RNF8: variants seen among roughly 807,000 people sequenced by gnomAD.
The protein encoded by RNF8 is E3 ubiquitin-protein ligase RNF8.
RNF8 carries 8 observed loss-of-function variants against 59.3 expected under a neutral mutation model. The ratio of observed to expected loss-of-function variants is 0.13; its 90% CI spans 0.08 to 0.24. The LOEUF is 0.24. Ranked by LOEUF, RNF8 falls within the 10% of genes least tolerant of loss-of-function variation. The pLI is 1.00. For missense variants in RNF8, 406 were observed against 572.6 expected (o/e 0.71, Z 2.97); for synonymous variants, 162 against 200.0 (o/e 0.81, Z 1.60).
intron 7 of RNF8, among the ~76,000 whole-genome samples, chr6:37,388,162 A>G (rs963673405): frequency 6.6e-6 from 1 of 152,236 alleles, no homozygotes; most frequent in Non-Finnish European, 1.5e-5. Flanking sequence ...TTAGAGAAGT[A>G]GCAGCAGGGA....
intron 7 of RNF8, among the ~76,000 whole-genome samples, chr6:37,389,692 G>C (rs906194839): frequency 1.3e-5 from 2 of 151,736 alleles, no homozygotes; most frequent in African/African-American, 4.8e-5. Flanking sequence ...ATAGAAAGAA[G>C]AGTATCGTGG....
intron 1 of RNF8, among the ~76,000 whole-genome samples, chr6:37,356,583 T>C (rs1039455032): frequency 2.6e-5 from 4 of 152,216 alleles, no homozygotes; most frequent in Non-Finnish European, 4.4e-5. Context: ...TAGAGATTTA[T>C]TGCAAATTAG....
intron 3 of RNF8, chr6:37,370,030 A>G (rs772303722): frequency 2.0e-5 from 3 of 152,202 alleles, no homozygotes; most frequent in African/African-American, 4.8e-5. Context: ...CAGGAACCAC[A>G]TATTTTGCTC....
rs1562081000 is a variant in RNF8, at chr6:37,354,128, T to TC, written c.-36dup. The stretch of plus-strand genomic sequence containing the variant: ...GGCAGCCAGAACCTAGGTCAGGGTC[T>TC]CGCTCGGTGCTGACCGCCCCCGGGG... On this transcript the variant is annotated 5_prime_UTR_variant, in exon 1 of 8. It removes the in-frame stop codon of an upstream open reading frame in the 5' UTR. Coordinates refer to ENST00000373479, the MANE Select transcript of RNF8 (RefSeq NM_003958.4). 1 of 1,539,148 alleles carries TC rather than the reference T, an allele frequency of 6.5e-7. No homozygotes were observed. Among genetic ancestry groups the TC allele is most frequent in the East Asian group, 2.4e-5 (1 of 41,040 alleles).
chr6:37,383,921 C>G (rs449637), intron 7 of RNF8, among the ~76,000 whole-genome samples: 10,547 of 152,116 alleles, frequency 0.069, 1,151 homozygotes, highest in African/African-American at 0.23. Context: ...TCTGTCAGCT[C>G]CTCCCCTCCC....
At chr6:37,380,954 A>G (rs962923959) in intron 6 of RNF8, among the ~76,000 whole-genome samples, 196 bp from the exon 7 acceptor site, 1 of 152,114 alleles carries the variant, frequency 6.6e-6, no homozygotes, top group Non-Finnish European at 1.5e-5. Flanking sequence ...AAGTGCCAGG[A>G]TTACAGGCAT....
At chr6:37,380,622 G>A (rs1195767884) in intron 6 of RNF8, among the ~76,000 whole-genome samples, 1 of 148,892 alleles carries the variant, frequency 6.7e-6, no homozygotes, top group Non-Finnish European at 1.5e-5. Context: ...AGTGAGCCGA[G>A]ATCGCGCCAC....
At chr6:37,366,145 T>A (rs144344996) in intron 2 of RNF8, among the ~76,000 whole-genome samples, 12 of 152,334 alleles carry the variant, frequency 7.9e-5, no homozygotes, top group African/African-American at 2.6e-4. Context: ...AGCTGTGGAC[T>A]GTCAGAACTC....
At chr6:37,375,212 G>A (rs988093667) in intron 5 of RNF8, among the ~76,000 whole-genome samples, 2 of 152,166 alleles carry the variant, frequency 1.3e-5, no homozygotes, top group Non-Finnish European at 2.9e-5. Context: ...AGCTGTGCGG[G>A]CTATGGCTTA....
chr6:37,357,737 C>T (rs181315433), intron 1 of RNF8, among the ~76,000 whole-genome samples: 2 of 152,194 alleles, frequency 1.3e-5, no homozygotes, highest in Non-Finnish European at 2.9e-5. Context: ...CCAACTGCTG[C>T]TCCATATTTT....
Position 37,391,080 on chromosome 6 carries a change from A to G in RNF8, c.*322A>G. On this transcript the variant is annotated 3_prime_UTR_variant, in exon 8 of 8. Transcript: ENST00000373479. Reference sequence around the variant, plus strand: ...ATTTGTTGTTGTTGTTACTGTTTTGATACCTCGGAAACACCTCCGTTGACA... The same window carrying G: ...ATTTGTTGTTGTTGTTACTGTTTTGGTACCTCGGAAACACCTCCGTTGACA... The G allele has an allele frequency of 1.9e-6, 1 of 514,916 alleles. No homozygotes were observed. The highest frequency in any genetic ancestry group is 3.5e-5 in the Admixed American group (1 of 28,364). The allele number at this position is 514,916 out of a possible 1,614,324, so 31.9% of individuals were successfully genotyped here. A position where few individuals can be genotyped will look rare whatever the true frequency, so the allele number is the denominator to read the frequency against.
At chr6:37,361,736 C>G (rs1306339147) in intron 2 of RNF8, among the ~76,000 whole-genome samples, 2 of 152,186 alleles carry the variant, frequency 1.3e-5, no homozygotes, top group Non-Finnish European at 2.9e-5. Context: ...TAGATTTAAG[C>G]TGTTGGAAAG....
chr6:37,360,100 C>T lies in RNF8; in HGVS notation c.112-346C>T, dbSNP rs911630888. ...ACATTTTAAAAATTGGAGGGCCTGC[C>T]TTATGTAAAGTTACTGACAGTATTT... On this transcript the variant is annotated intron_variant, in intron 1 of 7. Coordinates refer to ENST00000373479, the MANE Select transcript of RNF8 (RefSeq NM_003958.4). The surrounding 1 kb of genome is among the most constrained non-coding windows in gnomAD (Gnocchi z 4.2). 6.6e-6 allele frequency among the ~76,000 whole-genome samples: 1 copy of T among 152,124 alleles called. No individual in the cohort carries two copies. Among genetic ancestry groups the T allele is most frequent in the Non-Finnish European group, 1.5e-5 (1 of 68,014 alleles).
intron 2 of RNF8, chr6:37,361,477 T>A (rs1269519075): frequency 2.6e-6 from 1 of 378,800 alleles, no homozygotes; most frequent in Non-Finnish European, 5.2e-6. Context: ...AGTGAAGCCC[T>A]GTCGCTATCA....
At chr6:37,375,192 C>T (rs141509937) in intron 5 of RNF8, among the ~76,000 whole-genome samples, 65 of 152,298 alleles carry the variant, frequency 4.3e-4, no homozygotes, top group African/African-American at 1.4e-3. Flanking sequence ...AATGTAAGAA[C>T]ACAGTAGGGA....
intron 5 of RNF8, among the ~76,000 whole-genome samples, chr6:37,375,239 C>T (rs1769964828): frequency 6.6e-6 from 1 of 152,146 alleles, no homozygotes; most frequent in Admixed American, 6.5e-5. Flanking sequence ...GGGGTACTTG[C>T]CCACACCCCC....
intron 7 of RNF8, among the ~76,000 whole-genome samples, chr6:37,385,387 G>C (rs1185715757): frequency 6.6e-6 from 1 of 151,638 alleles, no homozygotes; most frequent in African/African-American, 2.4e-5. Flanking sequence ...CAGCACTTTG[G>C]GAGGCTGAGG....
At chr6:37,354,309 A>G in intron 1 of RNF8, 34 bp downstream of exon 1, 2 of 1,400,320 alleles carry the variant, frequency 1.4e-6, no homozygotes, top group Non-Finnish European at 1.9e-6. Flanking sequence ...AGCGGAGGGC[A>G]GGGGCTGGAG....
chr6:37,371,727 G>C (rs561782829), intron 4 of RNF8, among the ~76,000 whole-genome samples, 153 bp downstream of exon 4: 11 of 152,280 alleles, frequency 7.2e-5, no homozygotes, highest in Admixed American at 2.6e-4. Flanking sequence ...CACACCATCA[G>C]ATCAGAGATT....
Sources: gnomAD v4.1 joint callset for allele counts (sites outside exome capture counted in the v4.1 genomes callset) on GRCh38, gnomAD v4.1.1 for gene constraint, Gnocchi (gnomAD v3.1) non-coding constraint, MANE v1.5 for transcripts, NCBI Gene and HGNC (gene_info 2026-07-23, HGNC 2026-07-21) for gene names.